KIZ: variants seen among roughly 807,000 people sequenced by gnomAD.
KIZ encodes kizuna centrosomal protein.
A neutral mutation model predicts 79.6 loss-of-function variants in KIZ; 68 were observed. The observed-to-expected ratio is 0.85, with a 90% confidence interval of 0.70 to 1.05. The LOEUF (loss-of-function observed/expected upper bound fraction) is 1.05, where lower values mean the gene tolerates loss of function less well. Ranked by LOEUF, KIZ falls within the 50% of genes least tolerant of loss-of-function variation. The probability of loss-of-function intolerance (pLI) is 0.00; values close to 1 mark genes in which losing one functional copy is unlikely to be tolerated. For missense variants in KIZ, 797 were observed against 800.4 expected (o/e 1.00, Z 0.05); for synonymous variants, 280 against 281.8 (o/e 0.99, Z 0.06).
intron 11 of KIZ, among the ~76,000 whole-genome samples, chr20:21,239,929 C>G (rs936485889): frequency 6.6e-6 from 1 of 151,978 alleles, no homozygotes; most frequent in Non-Finnish European, 1.5e-5. Flanking sequence ...AAAATGCATC[C>G]AAAATAAGAT....
At chr20:21,225,598 A>T (rs2036630601) in intron 9 of KIZ, among the ~76,000 whole-genome samples, 1 of 152,216 alleles carries the variant, frequency 6.6e-6, no homozygotes, top group South Asian at 2.1e-4. Flanking sequence ...GAACTTCTAG[A>T]GTCATTACTT....
chr20:21,200,572 C>A (rs1030685475), intron 6 of KIZ, among the ~76,000 whole-genome samples: 28 of 151,848 alleles, frequency 1.8e-4, no homozygotes, highest in Non-Finnish European at 1.2e-4. Flanking sequence ...AAGGAACATG[C>A]AACCTAGCTC....
At chr20:21,183,825 G>T (rs1461995116) in intron 6 of KIZ, among the ~76,000 whole-genome samples, 1 of 152,140 alleles carries the variant, frequency 6.6e-6, no homozygotes, top group African/African-American at 2.4e-5. Flanking sequence ...GCCTCAGATG[G>T]TACCAGTGGG....
At chr20:21,217,659 TG>T (rs2036348545) in intron 9 of KIZ, among the ~76,000 whole-genome samples, 1 of 152,216 alleles carries the variant, frequency 6.6e-6, no homozygotes, top group African/African-American at 2.4e-5. Flanking sequence ...TCTGAGCCTC[TG>T]TATTGGGAAA....
chr20:21,229,146 G>C (rs778914499), intron 10 of KIZ, 31 bp downstream of exon 10: 2 of 1,269,944 alleles, frequency 1.6e-6, no homozygotes, highest in Non-Finnish European at 2.3e-6. Context: ...GTGTCCAGGG[G>C]CCCAGAGTGG....
intron 7 of KIZ, among the ~76,000 whole-genome samples, chr20:21,214,187 G>T (rs1342138664): frequency 6.6e-6 from 1 of 152,060 alleles, no homozygotes; most frequent in Non-Finnish European, 1.5e-5. Context: ...GGAGGTCTGA[G>T]GCTCTACCTT....
chr20:21,217,227 A>G (rs575845469), intron 9 of KIZ, among the ~76,000 whole-genome samples: 6 of 152,226 alleles, frequency 3.9e-5, no homozygotes, highest in African/African-American at 1.4e-4. Flanking sequence ...ATCCCCACCC[A>G]GGGACCTCCC....
chr20:21,193,196 C>T (rs2035188796), intron 6 of KIZ, among the ~76,000 whole-genome samples: 1 of 152,134 alleles, frequency 6.6e-6, no homozygotes, highest in Non-Finnish European at 1.5e-5. Context: ...TCAGAGATCA[C>T]ACCATTTTGA....
chr20:21,161,950 G>A lies in KIZ; in HGVS notation c.485G>A (p.Arg162His), dbSNP rs373137306. The A allele has an allele frequency of 4.0e-5, 64 of 1,613,466 alleles. 1 individual carries two copies. Among genetic ancestry groups the A allele is most frequent in the Middle Eastern group, 3.3e-4 (2 of 6,082 alleles). The change falls in exon 5 of 13, where the codon CGC becomes CAC. Residue 162 changes from arginine (R) to histidine (H), a missense_variant. Coordinates refer to ENST00000619189, the MANE Select transcript of KIZ (RefSeq NM_018474.6). ...LYQPATIFMG[R>H]QMSAILSMRD... Reference sequence around the variant, plus strand: ...CAACCAGCAACAATCTTTATGGGCCGCCAAATGTCAGCCATCTTAAGCATG... The same window carrying A: ...CAACCAGCAACAATCTTTATGGGCCACCAAATGTCAGCCATCTTAAGCATG...
chr20:21,225,878 G>A (rs1055861531), intron 9 of KIZ, among the ~76,000 whole-genome samples: 4 of 152,172 alleles, frequency 2.6e-5, no homozygotes, highest in Admixed American at 2.0e-4. Context: ...CTGAAACCTG[G>A]TCTGTTTGAT....
chr20:21,159,115 C>A lies in KIZ; in HGVS notation c.406-2756C>A, dbSNP rs186629441. On this transcript the variant is annotated intron_variant, in intron 4 of 12. Coordinates refer to ENST00000619189, the MANE Select transcript of KIZ (RefSeq NM_018474.6). Reference sequence around the variant, plus strand: ...CTCTGCCTCCTGGGTTCAAGCGATTCTCCTGCCTCAGCCCCCTGAGTAGCT... The same window carrying A: ...CTCTGCCTCCTGGGTTCAAGCGATTATCCTGCCTCAGCCCCCTGAGTAGCT... Among the ~76,000 whole-genome samples, 478 of 151,896 alleles carry A rather than the reference C, an allele frequency of 3.1e-3. 2 individuals are homozygous for A. The highest frequency in any genetic ancestry group is 0.011 in the African/African-American group (463 of 41,462).
chr20:21,212,135 A>G (rs531647749), intron 7 of KIZ, among the ~76,000 whole-genome samples: 2 of 152,334 alleles, frequency 1.3e-5, no homozygotes, highest in East Asian at 1.9e-4. Flanking sequence ...GTTCTTGTCT[A>G]TCCTTGTCTG....
At chr20:21,233,698 A>G (rs2036906424) in intron 11 of KIZ, among the ~76,000 whole-genome samples, 1 of 152,192 alleles carries the variant, frequency 6.6e-6, no homozygotes. Flanking sequence ...ATAAGAGAAA[A>G]TGATTTGAAC....
At position 21,162,307 on chromosome 20, in the gene KIZ, G is replaced by A; in HGVS notation, c.842G>A (p.Arg281Lys). The A allele has an allele frequency of 6.2e-7, 1 of 1,613,894 alleles. No individual in the cohort carries two copies. Among genetic ancestry groups the A allele is most frequent in the Non-Finnish European group, 8.5e-7 (1 of 1,179,794 alleles). The change falls in exon 5 of 13, where the codon AGA (arginine) becomes AAA (lysine). Residue 281 changes from arginine (R) to lysine (K), a missense_variant. Physicochemically the swap from Arg to Lys is conservative, Grantham distance 26. Transcript: ENST00000619189. ...GAACTCAATTCCCCGTTACGGGAAAGATTAAGTCCAGAGAACAGAACCACT... is the reference window on the plus strand; with the variant it reads ...GAACTCAATTCCCCGTTACGGGAAAAATTAAGTCCAGAGAACAGAACCACT... ...SAELNSPLRE[R>K]LSPENRTTDL...
intron 6 of KIZ, among the ~76,000 whole-genome samples, chr20:21,175,218 A>G (rs2034383065): frequency 6.6e-6 from 1 of 152,166 alleles, no homozygotes; most frequent in African/African-American, 2.4e-5. Context: ...ACTTCATTCT[A>G]ATCTTGCCTT....
intron 9 of KIZ, among the ~76,000 whole-genome samples, chr20:21,226,610 C>T (rs541975763): frequency 6.6e-6 from 1 of 152,334 alleles, no homozygotes; most frequent in East Asian, 1.9e-4. Context: ...GCTCTGCCCT[C>T]TCCCGCAACT....
intron 6 of KIZ, chr20:21,195,359 C>CT (rs1182220105): frequency 6.6e-6 from 1 of 152,180 alleles, no homozygotes; most frequent in African/African-American, 2.4e-5. Context: ...AATTTAAAAA[C>CT]AATAACGAGA....
intron 6 of KIZ, among the ~76,000 whole-genome samples, chr20:21,170,497 T>C (rs2034155388): frequency 6.6e-6 from 1 of 151,886 alleles, no homozygotes; most frequent in Admixed American, 6.6e-5. Flanking sequence ...CACGCCATTC[T>C]CCTGCCTCAG....
At chr20:21,241,097 T>A (rs1393691739) in intron 11 of KIZ, among the ~76,000 whole-genome samples, 3 of 152,248 alleles carry the variant, frequency 2.0e-5, no homozygotes, top group Non-Finnish European at 4.4e-5. Flanking sequence ...ACCTTAACTC[T>A]TTGATTTCTT....
Sources: gnomAD v4.1 joint callset for allele counts (sites outside exome capture counted in the v4.1 genomes callset) on GRCh38, gnomAD v4.1.1 for gene constraint, MANE v1.5 for transcripts, NCBI Gene and HGNC (gene_info 2026-07-23, HGNC 2026-07-21) for gene names.